Variants in CTIF observed in about 807,000 individuals in gnomAD.
The protein encoded by CTIF is cap binding complex dependent translation initiation factor.
In CTIF, 21 loss-of-function variants were observed where a neutral mutation model predicts 66.0. That is an observed-to-expected ratio of 0.32 (90% CI 0.23 to 0.46). The LOEUF is 0.46. Ranked by LOEUF, CTIF falls within the 20% of genes least tolerant of loss-of-function variation. The pLI, the probability that CTIF is intolerant of heterozygous loss-of-function variation, is 1.00. For missense variants in CTIF, 739 were observed against 812.7 expected (o/e 0.91, Z 1.10); for synonymous variants, 345 against 326.4 (o/e 1.06, Z -0.62).
rs2069486456 is a variant in CTIF, at chr18:48,862,201, C to CA, written c.*2643dup. 1 of 152,180 alleles carries CA rather than the reference C, an allele frequency of 6.6e-6. No individual in the cohort carries two copies. The highest frequency in any genetic ancestry group is 2.4e-5 in the African/African-American group (1 of 41,422). 9.4% of individuals were successfully genotyped at this position (152,180 alleles called of 1,614,324 possible). A position where few individuals can be genotyped will look rare whatever the true frequency, so the allele number is the denominator to read the frequency against. On this transcript the variant is annotated 3_prime_UTR_variant, in exon 12 of 12. Transcript: ENST00000256413. ...CCCCAAGTCCATCCCCTCTCTGTGG[C>CA]ATGAGGAAGGCCGCGTCCGAGTTGA...
At chr18:48,555,199 T>C (rs1463631294) in intron 1 of CTIF, among the ~76,000 whole-genome samples, 1 of 152,204 alleles carries the variant, frequency 6.6e-6, no homozygotes, top group Non-Finnish European at 1.5e-5. Context: ...CTGGACACTA[T>C]ATTTCTGTTA....
chr18:48,795,273 G>A lies in CTIF; in HGVS notation c.1372-21948G>A, dbSNP rs112039093. Among the ~76,000 whole-genome samples, 10 of 152,212 alleles carry A rather than the reference G, an allele frequency of 6.6e-5. 2 individuals carry two copies. Among genetic ancestry groups the A allele is most frequent in the South Asian group, 4.1e-4 (2 of 4,822 alleles). Reference sequence around the variant, plus strand: ...CCCCCATAACTGCCATTCTCCTCTCGCTCCCTAGACCCCTTCAGAGTGCCC... The same window carrying A: ...CCCCCATAACTGCCATTCTCCTCTCACTCCCTAGACCCCTTCAGAGTGCCC... On this transcript the variant is annotated intron_variant, in intron 9 of 11. Transcript: ENST00000256413.
chr18:48,602,671 C>T (rs887563037), intron 1 of CTIF, among the ~76,000 whole-genome samples: 1 of 152,156 alleles, frequency 6.6e-6, no homozygotes, highest in East Asian at 1.9e-4. Context: ...TTCTCTGGGC[C>T]CCTGTAGCAC....
At chr18:48,721,751 C>CG (rs1555679876) in intron 7 of CTIF, among the ~76,000 whole-genome samples, 33 of 86,792 alleles carry the variant, frequency 3.8e-4, no homozygotes, top group African/African-American at 2.0e-3. Context: ...GAACGTGCAT[C>CG]CCCCCCTCTC....
At chr18:48,623,876 G>A (rs150028547) in intron 2 of CTIF, among the ~76,000 whole-genome samples, 2,452 of 117,822 alleles carry the variant, frequency 0.021, 22 homozygotes, top group Admixed American at 0.032. Context: ...TGGATGGATG[G>A]CTGGCTGGCT....
At chr18:48,670,221 C>T (rs1197381704) in intron 5 of CTIF, among the ~76,000 whole-genome samples, 1 of 152,106 alleles carries the variant, frequency 6.6e-6, no homozygotes. Context: ...TCTGAGTGGG[C>T]TTGCTGGACT....
chr18:48,768,522 A>G (rs767012349), intron 9 of CTIF, among the ~76,000 whole-genome samples: 3 of 152,174 alleles, frequency 2.0e-5, no homozygotes, highest in Non-Finnish European at 2.9e-5. Context: ...TGAGGCTGCA[A>G]GATTGACCCA....
intron 7 of CTIF, among the ~76,000 whole-genome samples, chr18:48,716,667 C>G (rs533636938): frequency 1.3e-5 from 2 of 152,272 alleles, no homozygotes; most frequent in Admixed American, 1.3e-4. Flanking sequence ...CCACTGGAGC[C>G]TGCCAGCTCC....
intron 9 of CTIF, among the ~76,000 whole-genome samples, chr18:48,814,451 C>T (rs530070996): frequency 1.8e-4 from 28 of 152,322 alleles, no homozygotes; most frequent in Non-Finnish European, 3.2e-4. Context: ...GCGTTTAACC[C>T]AGAGCAGAGA....
chr18:48,859,598 G>A lies in CTIF; in HGVS notation c.*39G>A. ...TGGCAGGCGGCCCACGGGCAGCTGG[G>A]GCCCTGGTGCACAGGGCCAGATGGA... On this transcript the variant is annotated 3_prime_UTR_variant, in exon 12 of 12. Transcript: ENST00000256413. 1.9e-6 allele frequency: 3 copies of A among 1,593,916 alleles called. No homozygotes were observed. Among genetic ancestry groups the A allele is most frequent in the Non-Finnish European group, 2.6e-6 (3 of 1,162,340 alleles).
intron 10 of CTIF, among the ~76,000 whole-genome samples, chr18:48,843,326 G>A (rs1011739134): frequency 6.6e-5 from 10 of 152,104 alleles, no homozygotes; most frequent in Non-Finnish European, 1.2e-4. Context: ...AGGGCCCTGC[G>A]CTCCAGCAGG....
chr18:48,791,753 T>C (rs952864854), intron 9 of CTIF, among the ~76,000 whole-genome samples: 5 of 152,204 alleles, frequency 3.3e-5, no homozygotes, highest in African/African-American at 1.2e-4. Context: ...TTCATAGTCA[T>C]CCCTTCTCCC....
intron 1 of CTIF, among the ~76,000 whole-genome samples, chr18:48,598,133 G>C (rs959777522): frequency 5.9e-5 from 9 of 152,194 alleles, no homozygotes; most frequent in African/African-American, 2.2e-4. Flanking sequence ...GGTGGGCAGG[G>C]AAACCCCAGC....
intron 3 of CTIF, among the ~76,000 whole-genome samples, chr18:48,637,407 T>G (rs957517943): frequency 6.6e-6 from 1 of 152,172 alleles, no homozygotes; most frequent in Non-Finnish European, 1.5e-5. Flanking sequence ...CAGGAGCCTG[T>G]GGGATTAGAG....
intron 10 of CTIF, among the ~76,000 whole-genome samples, chr18:48,834,435 G>A (rs2068764673): frequency 6.6e-6 from 1 of 152,228 alleles, no homozygotes; most frequent in South Asian, 2.1e-4. Context: ...AGCAGGCCAT[G>A]GCCAGATTTG....
chr18:48,605,496 T>C (rs2090185615), intron 1 of CTIF, among the ~76,000 whole-genome samples: 2 of 152,224 alleles, frequency 1.3e-5, no homozygotes, highest in Admixed American at 6.5e-5. Flanking sequence ...TGCGGTTGTA[T>C]CTGGCTACAG....
rs560822714 is a variant in CTIF, at chr18:48,595,101, A to G, written c.-28-24437A>G. On this transcript the variant is annotated intron_variant, in intron 1 of 11. Coordinates refer to ENST00000256413, the MANE Select transcript of CTIF (RefSeq NM_014772.3). ...AGTCACAATGAACAAAAGAATCAGC[A>G]CTAAGCAGGCATGAGGAAATGGACC... Among the ~76,000 whole-genome samples, 15 of 152,320 alleles carry G rather than the reference A, an allele frequency of 9.8e-5. No individual in the cohort carries two copies. The South Asian group carries it at 3.1e-3, about 32-fold the overall frequency.
At chr18:48,640,689 G>A (rs1486861974) in intron 3 of CTIF, among the ~76,000 whole-genome samples, 3 of 152,230 alleles carry the variant, frequency 2.0e-5, no homozygotes, top group African/African-American at 7.2e-5. Flanking sequence ...CCTGCATTCT[G>A]CCAAGCAACC....
chr18:48,751,945 A>ATTCG (rs1055887257), intron 7 of CTIF, among the ~76,000 whole-genome samples: 7 of 5,894 alleles, frequency 1.2e-3, no homozygotes, highest in African/African-American at 8.9e-3. Flanking sequence ...ATCATTTATT[A>ATTCG]TTCATTCATT....
Sources: gnomAD v4.1 joint callset for allele counts (sites outside exome capture counted in the v4.1 genomes callset) on GRCh38, gnomAD v4.1.1 for gene constraint, MANE v1.5 for transcripts, NCBI Gene and HGNC (gene_info 2026-07-23, HGNC 2026-07-21) for gene names.